Variants in ADH1C observed in about 807,000 individuals in gnomAD.
ADH1C encodes alcohol dehydrogenase 1C.
Under a neutral mutation model 35.0 loss-of-function variants are expected in ADH1C, and 26 were observed. The observed-to-expected ratio is 0.74, with a 90% confidence interval of 0.54 to 1.03. ADH1C has a LOEUF of 1.03. Ranked by LOEUF, ADH1C falls within the 50% of genes least tolerant of loss-of-function variation. The pLI, the probability that ADH1C is intolerant of heterozygous loss-of-function variation, is 0.00. For missense variants in ADH1C, 413 were observed against 465.4 expected, an observed-to-expected ratio of 0.89 and a Z score of 1.04; for synonymous variants, 170 against 169.3, an observed-to-expected ratio of 1.00 and a Z score of -0.03.
At chr4:99,339,752 G>C (rs192773778) in intron 7 of ADH1C, 37 bp from the exon 8 acceptor site, 61 of 1,566,042 alleles carry the variant, frequency 3.9e-5, no homozygotes, top group Non-Finnish European at 5.0e-5. Flanking sequence ...GATTCAACCA[G>C]GGTAAGTAGG....
chr4:99,337,635 T>C (rs1167005483), intron 8 of ADH1C, among the ~76,000 whole-genome samples: 2 of 151,926 alleles, frequency 1.3e-5, no homozygotes, highest in East Asian at 3.9e-4. Context: ...AAGAAAAATA[T>C]ATGCACATAA....
At position 99,336,760 on chromosome 4, in the gene ADH1C, T is replaced by G; in HGVS notation, c.1120A>C (p.Thr374Pro). 6.2e-7 allele frequency: 1 copy of G among 1,613,754 alleles called. No individual in the cohort carries two copies. The highest frequency in any genetic ancestry group is 8.5e-7 in the Non-Finnish European group (1 of 1,179,760). Residue 374 changes from threonine (T) to proline (P), a missense_variant, in exon 9 of 9, where the codon ACG (threonine) becomes CCG (proline). Physicochemically the swap from Thr to Pro is conservative, Grantham distance 38 (BLOSUM62 -1). Transcript: ENST00000515683. ...AAGGCATCTGTATTGTTTCAAAACG[T>G]CAGGACGGTACGGATACTGCAATAG... is the stretch of plus-strand genomic sequence containing the variant. The part of the protein sequence containing the change: ...RSGKSIRTVL[T>P]F
At chr4:99,340,334 A>T (rs1734382323) in intron 7 of ADH1C, among the ~76,000 whole-genome samples, 1 of 152,160 alleles carries the variant, frequency 6.6e-6, no homozygotes, top group South Asian at 2.1e-4. Flanking sequence ...GAATCACTTG[A>T]ACCTGTGAGG....
At chr4:99,342,245 T>C (rs1413923770) in intron 6 of ADH1C, among the ~76,000 whole-genome samples, 1 of 152,134 alleles carries the variant, frequency 6.6e-6, no homozygotes, top group Non-Finnish European at 1.5e-5. Flanking sequence ...ACTAGTTTTG[T>C]GTCAGGCACT....
At position 99,336,669 on chromosome 4, in the gene ADH1C, AATG is replaced by A; in HGVS notation, c.*80_*82del. On this transcript the variant is annotated 3_prime_UTR_variant, in exon 9 of 9. Transcript: ENST00000515683. ...TTTAACATCTCTGAAGAGCAGAATT[AATG>A]ATATTTCCTAGCTGTTGCTCCAGAT... 6.6e-7 allele frequency: 1 copy of A among 1,504,578 alleles called. No individual in the cohort carries two copies. Among genetic ancestry groups the A allele is most frequent in the Admixed American group, 1.7e-5 (1 of 59,044 alleles). 93.2% of individuals were successfully genotyped at this position (1,504,578 alleles called of 1,614,324 possible).
intron 3 of ADH1C, 37 bp from the exon 4 acceptor site, chr4:99,345,303 A>G (rs748609882): frequency 2.5e-6 from 4 of 1,573,732 alleles, no homozygotes; most frequent in East Asian, 2.3e-5. Context: ...TTAAATTTCT[A>G]TGCAGGAATT....
In ADH1C at chr4:99,343,113, G is replaced by A. The variant is rs1036723412; in HGVS notation, c.568-58C>T. On this transcript the variant is annotated intron_variant, in intron 5 of 8. Transcript: ENST00000515683. ...ATAATGTTTGTTAGAAATTGCTTAA[G>A]CTTTATAAAGTGCCATGTCTTGTGT... 1.5e-5 allele frequency: 23 copies of A among 1,583,966 alleles called. No individual in the cohort carries two copies. The African/African-American group carries it at 3.0e-4, about 20-fold the overall frequency.
intron 1 of ADH1C, among the ~76,000 whole-genome samples, chr4:99,350,296 T>G (rs1051367369): frequency 4.6e-5 from 7 of 152,202 alleles, no homozygotes; most frequent in Admixed American, 6.5e-5. Flanking sequence ...CAATAGTTTT[T>G]GGGGTGCAGG....
chr4:99,344,109 T>C (rs2110657784), intron 5 of ADH1C, among the ~76,000 whole-genome samples: 1 of 152,344 alleles, frequency 6.6e-6, no homozygotes, highest in South Asian at 2.1e-4. Context: ...AAAGATATTT[T>C]AGTCTTAGTG....
In ADH1C at chr4:99,345,011, G is replaced by T; in HGVS notation, c.418C>A (p.His140Asn). 1 of 1,614,192 alleles carries T rather than the reference G, an allele frequency of 6.2e-7. No homozygotes were observed. The highest frequency in any genetic ancestry group is 8.5e-7 in the Non-Finnish European group (1 of 1,180,034). ...RFTCSGKPIH[H>N]FVGVSTFSQY... ...GAGAAGGTGCTGACGCCGACGAAGT[G>T]GTGGATGGGCTTCCCGCTGCAGGTG... The change falls in exon 5 of 9, where the codon CAC (histidine) becomes AAC (asparagine). Residue 140 changes from histidine to asparagine, a missense_variant. Physicochemically the swap from His to Asn is moderately conservative, Grantham distance 68 (BLOSUM62 1). Transcript: ENST00000515683.
intron 8 of ADH1C, 114 bp from the exon 9 acceptor site, chr4:99,336,890 C>G (rs1734290257): frequency 6.9e-7 from 1 of 1,440,874 alleles, no homozygotes; most frequent in Non-Finnish European, 9.7e-7. Flanking sequence ...GTGTTCTCAG[C>G]CACTCCCTTC....
At chr4:99,350,131 C>T (rs980252317) in intron 1 of ADH1C, among the ~76,000 whole-genome samples, 1 of 152,052 alleles carries the variant, frequency 6.6e-6, no homozygotes, top group Non-Finnish European at 1.5e-5. Flanking sequence ...CAATGTGGTC[C>T]ATGCCAAAAT....
intron 8 of ADH1C, among the ~76,000 whole-genome samples, chr4:99,337,397 C>G (rs960975318): frequency 6.6e-6 from 1 of 151,898 alleles, no homozygotes; most frequent in Non-Finnish European, 1.5e-5. Context: ...TTTAATAGAC[C>G]TTTGATACAG....
chr4:99,339,537 T>C lies in ADH1C; in HGVS notation c.1103+40A>G, dbSNP rs779864611. On this transcript the variant is annotated intron_variant, in intron 8 of 8. Coordinates refer to ENST00000515683, the MANE Select transcript of ADH1C (RefSeq NM_000669.5). ...GCCCCCCCCCCCCCCGCCGCTACTG[T>C]AGAATACAAAGCAAAACAAAAAAAC... 1.4e-5 allele frequency: 16 copies of C among 1,111,300 alleles called. No individual in the cohort carries two copies. In the African/African-American group the frequency reaches 2.2e-4, roughly 16 times the overall value. The allele number at this position is 1,111,300 out of a possible 1,614,324, so 68.8% of individuals were successfully genotyped here. A position where few individuals can be genotyped will look rare whatever the true frequency, so the allele number is the denominator to read the frequency against.
At chr4:99,350,849 A>C (rs1734658510) in intron 1 of ADH1C, among the ~76,000 whole-genome samples, 1 of 152,212 alleles carries the variant, frequency 6.6e-6, no homozygotes, top group Non-Finnish European at 1.5e-5. Context: ...CCAGAGAATA[A>C]AGATCAGGCC....
intron 5 of ADH1C, 131 bp from the exon 6 acceptor site, chr4:99,343,186 C>A: frequency 7.4e-7 from 1 of 1,343,506 alleles, no homozygotes. Flanking sequence ...TTATCGAAAC[C>A]TGTTTTGGCT....
intron 8 of ADH1C, among the ~76,000 whole-genome samples, chr4:99,337,130 A>G (rs1734296727): frequency 6.6e-6 from 1 of 152,182 alleles, no homozygotes; most frequent in African/African-American, 2.4e-5. Context: ...AGTTTTTGCT[A>G]TTTGTCACAT....
intron 1 of ADH1C, among the ~76,000 whole-genome samples, chr4:99,349,673 T>G (rs968601772): frequency 3.3e-5 from 5 of 152,222 alleles, no homozygotes; most frequent in Non-Finnish European, 7.3e-5. Context: ...GTGTTACTTG[T>G]CTCAAACACC....
chr4:99,348,282 C>G lies in ADH1C; in HGVS notation c.19-436G>C, dbSNP rs1217053149. Among the ~76,000 whole-genome samples, 15 of 121,276 alleles carry G rather than the reference C, an allele frequency of 1.2e-4. 1 individual carries two copies. The Admixed American group carries it at 1.4e-3, about 11-fold the overall frequency. 79.6% of individuals were successfully genotyped at this position (121,276 alleles called of 152,430 possible). A position where few individuals can be genotyped will look rare whatever the true frequency, so the allele number is the denominator to read the frequency against. On this transcript the variant is annotated intron_variant, in intron 1 of 8. Transcript: ENST00000515683. ...CCAATGCTATCCCTCCCCCCTCCCC[C>G]CACCCCACAATAGTCCCCAGAGTGT...
Sources: allele counts gnomAD v4.1 joint callset (sites outside exome capture counted in the v4.1 genomes callset), GRCh38; gene constraint gnomAD v4.1.1; transcripts MANE v1.5; gene names NCBI Gene and HGNC (gene_info 2026-07-23, HGNC 2026-07-21).